BIN1: variants seen among roughly 807,000 people sequenced by gnomAD.
The protein encoded by BIN1 is myc box-dependent-interacting protein 1.
A neutral mutation model predicts 82.0 loss-of-function variants in BIN1; 53 were observed. That is an observed-to-expected ratio of 0.65 (90% CI 0.52 to 0.81). BIN1 has a LOEUF of 0.81. Among genes scored for constraint, BIN1 ranks in the 40% least tolerant of loss-of-function variants. The probability of loss-of-function intolerance (pLI) is 0.00; values close to 1 mark genes in which losing one functional copy is unlikely to be tolerated. For synonymous variants in BIN1, 302 were observed against 328.0 expected (o/e 0.92, Z 0.86); for missense variants, 642 against 784.4 (o/e 0.82, Z 2.17).
chr2:127,086,653 G>A (rs12475042), intron 1 of BIN1, among the ~76,000 whole-genome samples: 6,811 of 151,972 alleles, frequency 0.045, 374 homozygotes, highest in East Asian at 0.2. Flanking sequence ...GACTACAGGC[G>A]CACGTCACCA....
Position 127,057,408 on chromosome 2 carries a change from A to T in BIN1, c.1131+65T>A. On this transcript the variant is annotated intron_variant, in intron 12 of 18. Coordinates refer to ENST00000316724, the MANE Select transcript of BIN1 (RefSeq NM_139343.3). The surrounding 1 kb of genome is among the most constrained non-coding windows in gnomAD (Gnocchi z 5.0). Reference sequence around the variant, plus strand: ...TCTTGAGACAGAAGCATAGAGGATGAAGGCCATGCACGCCCTGAGAGGGCA... The same window carrying T: ...TCTTGAGACAGAAGCATAGAGGATGTAGGCCATGCACGCCCTGAGAGGGCA... The T allele has an allele frequency of 6.7e-7, 1 of 1,485,082 alleles. No individual in the cohort carries two copies. The highest frequency in any genetic ancestry group is 9.0e-7 in the Non-Finnish European group (1 of 1,114,136). 92.0% of individuals were successfully genotyped at this position (1,485,082 alleles called of 1,614,324 possible).
rs1001378291 is a variant in BIN1, at chr2:127,059,488, T to G, written c.858-333A>C. The stretch of plus-strand genomic sequence containing the variant: ...CAGACCAACCACCCCACAGGCTCCA[T>G]GGGGTCCACCAGGGCCCATGCTGAC... On this transcript the variant is annotated intron_variant, in intron 10 of 18. Coordinates refer to ENST00000316724, the MANE Select transcript of BIN1 (RefSeq NM_139343.3). This position sits in a 1 kb window ranked among gnomAD's most constrained non-coding sequence, Gnocchi z 6.7. Among the ~76,000 whole-genome samples, 1 of 151,926 alleles carries G rather than the reference T, an allele frequency of 6.6e-6. No individual in the cohort carries two copies. The highest frequency in any genetic ancestry group is 1.5e-5 in the Non-Finnish European group (1 of 67,966).
At chr2:127,065,385 G>A (rs1032452351) in intron 7 of BIN1, among the ~76,000 whole-genome samples, 4 of 152,138 alleles carry the variant, frequency 2.6e-5, no homozygotes, top group African/African-American at 4.8e-5. Context: ...CACCAGGAGG[G>A]GAATACTGCC....
chr2:127,054,102 C>T (rs1461949083), intron 12 of BIN1, 90 bp from the exon 13 acceptor site: 5 of 1,039,610 alleles, frequency 4.8e-6, no homozygotes, highest in African/African-American at 3.2e-5. Context: ...CACAGGCACA[C>T]GCGTGGACAC....
intron 2 of BIN1, among the ~76,000 whole-genome samples, 161 bp downstream of exon 2, chr2:127,076,465 T>C (rs1686629235): frequency 6.6e-6 from 1 of 150,534 alleles, no homozygotes; most frequent in South Asian, 2.1e-4. Context: ...CAGCATGCAT[T>C]GCCAGTGCTC....
chr2:127,053,298 G>C, intron 14 of BIN1, 124 bp downstream of exon 14: 1 of 1,387,472 alleles, frequency 7.2e-7, no homozygotes, highest in Non-Finnish European at 1.0e-6. Flanking sequence ...GTGCCTGTGT[G>C]TCCTGCGTGT....
Position 127,077,280 on chromosome 2 carries a change from G to A in BIN1, c.85-574C>T, listed in dbSNP as rs146664481. Among the ~76,000 whole-genome samples, 586 of 152,164 alleles carry A rather than the reference G, an allele frequency of 3.9e-3. 1 individual carries two copies. The highest frequency in any genetic ancestry group is 5.7e-3 in the Non-Finnish European group (391 of 68,004). ...TGCTTCTGATCTGACTGGGTTTTTA[G>A]ATGTGACCTGCCCCAGGCACTCTGC... On this transcript the variant is annotated intron_variant, in intron 1 of 18. Coordinates refer to ENST00000316724, the MANE Select transcript of BIN1 (RefSeq NM_139343.3).
At position 127,057,694 on chromosome 2, in the gene BIN1, C is replaced by T; in HGVS notation, c.1003-93G>A. On this transcript the variant is annotated intron_variant, in intron 11 of 18. Transcript: ENST00000316724. This position sits in a 1 kb window ranked among gnomAD's most constrained non-coding sequence, Gnocchi z 5.0. ...AGACAGAGACAAAGCCACGGTTAGT[C>T]ACACCTCAGGCCACAGTCCCACCCA... 1 of 1,409,758 alleles carries T rather than the reference C, an allele frequency of 7.1e-7. No individual in the cohort carries two copies. The highest frequency in any genetic ancestry group is 1.5e-5 in the South Asian group (1 of 64,722). The allele number at this position is 1,409,758 out of a possible 1,614,324, so 87.3% of individuals were successfully genotyped here.
Position 127,057,381 on chromosome 2 carries a change from G to C in BIN1, c.1131+92C>G. 1 of 1,412,484 alleles carries C rather than the reference G, an allele frequency of 7.1e-7. No homozygotes were observed. The highest frequency in any genetic ancestry group is 9.3e-7 in the Non-Finnish European group (1 of 1,074,784). The allele number at this position is 1,412,484 out of a possible 1,614,324, so 87.5% of individuals were successfully genotyped here. ...GACACTCTCTCTGGCCAGATTCCTG[G>C]CTCTTGAGACAGAAGCATAGAGGAT... is the stretch of plus-strand genomic sequence containing the variant. On this transcript the variant is annotated intron_variant, in intron 12 of 18. Coordinates refer to ENST00000316724, the MANE Select transcript of BIN1 (RefSeq NM_139343.3). This position sits in a 1 kb window ranked among gnomAD's most constrained non-coding sequence, Gnocchi z 5.0.
chr2:127,085,606 T>C (rs1350502617), intron 1 of BIN1, among the ~76,000 whole-genome samples: 6 of 151,350 alleles, frequency 4.0e-5, no homozygotes, highest in Non-Finnish European at 8.8e-5. Flanking sequence ...GAGCCCATAA[T>C]GAGGAAGGAG....
In BIN1 at chr2:127,090,776, G is replaced by T. The variant is rs962354421; in HGVS notation, c.85-14070C>A. ...GCACCCACCTGCCTTGGGGCCAAGT[G>T]AAGGTCTGAGCTGGGTGGGAAGGCA... On this transcript the variant is annotated intron_variant, in intron 1 of 18. Transcript: ENST00000316724. The surrounding 1 kb of genome is among the most constrained non-coding windows in gnomAD (Gnocchi z 6.4). Among the ~76,000 whole-genome samples, 7 of 152,204 alleles carry T rather than the reference G, an allele frequency of 4.6e-5. No homozygotes were observed. Among genetic ancestry groups the T allele is most frequent in the Non-Finnish European group, 8.8e-5 (6 of 68,036 alleles).
chr2:127,063,849 G>A (rs1684819738), intron 8 of BIN1, 84 bp downstream of exon 8: 1 of 1,562,388 alleles, frequency 6.4e-7, no homozygotes. Flanking sequence ...CACGCAGGCT[G>A]GGCACCACAG....
At chr2:127,069,194 C>G (rs979159966) in intron 5 of BIN1, among the ~76,000 whole-genome samples, 163 bp from the exon 6 acceptor site, 20 of 152,312 alleles carry the variant, frequency 1.3e-4, no homozygotes, top group Admixed American at 1.2e-3. Context: ...GAGAGCTCAC[C>G]CCCTCCTGGC....
At chr2:127,105,655 C>A (rs1190613243) in intron 1 of BIN1, among the ~76,000 whole-genome samples, 1 of 152,142 alleles carries the variant, frequency 6.6e-6, no homozygotes, top group Admixed American at 6.5e-5. Flanking sequence ...GCTCTAGGCG[C>A]CCCCCTCTCC....
intron 5 of BIN1, among the ~76,000 whole-genome samples, chr2:127,069,579 C>A (rs967837095): frequency 6.6e-6 from 1 of 152,134 alleles, no homozygotes; most frequent in Admixed American, 6.5e-5. Context: ...ACGCACACAC[C>A]CACACATGTA....
At position 127,070,004 on chromosome 2, in the gene BIN1, G is replaced by A. The variant is rs144136512; in HGVS notation, c.402C>T (p.Pro134=). 3.3e-4 allele frequency: 538 copies of A among 1,614,048 alleles called. No homozygotes were observed. Among genetic ancestry groups the A allele is most frequent in the Non-Finnish European group, 4.3e-4 (508 of 1,179,922 alleles). Residue 134 remains proline (P), a synonymous_variant, in exon 5 of 19, where the codon CCC becomes CCT. Transcript: ENST00000316724. ...LTMDTYLGQF[P]DIKSRIAKRG... ...CAAGTGGGTCTCTCACCTTGATGTC[G>A]GGGAACTGGCCCAGGTACGTGTCCA... is the stretch of plus-strand genomic sequence containing the variant.
At chr2:127,054,153 ACACGCACACACGCTGGCACACAGCC>A in intron 12 of BIN1, 141 bp from the exon 13 acceptor site, 1 of 706,400 alleles carries the variant, frequency 1.4e-6, no homozygotes, top group Non-Finnish European at 2.6e-6. Flanking sequence ...AAGCGCACAT[ACACGCACACACGCTGGCACACAGCC>A]CAGGCACCAA....
intron 1 of BIN1, among the ~76,000 whole-genome samples, chr2:127,083,480 T>C (rs773267758): frequency 6.6e-6 from 1 of 152,202 alleles, no homozygotes; most frequent in Non-Finnish European, 1.5e-5. Flanking sequence ...CGCTCCACAA[T>C]ACTTCACCCC....
Position 127,052,730 on chromosome 2 carries a change from A to T in BIN1, c.1264-368T>A. On this transcript the variant is annotated intron_variant, in intron 14 of 18. Transcript: ENST00000316724. ...CAGCGCATGCCCCAAGGGCGCCTGC[A>T]CACCCGCCTGCCCCTCCCAGCATCT... 1.3e-5 allele frequency: 4 copies of T among 315,208 alleles called. No homozygotes were observed. In the South Asian group the frequency reaches 1.5e-4, roughly 12 times the overall value. 19.5% of individuals were successfully genotyped at this position (315,208 alleles called of 1,614,324 possible).
Sources: allele counts gnomAD v4.1 joint callset (sites outside exome capture counted in the v4.1 genomes callset), GRCh38; gene constraint gnomAD v4.1.1; non-coding constraint Gnocchi (gnomAD v3.1); transcripts MANE v1.5; gene names NCBI Gene and HGNC (gene_info 2026-07-23, HGNC 2026-07-21).